FTCDNL1: variants seen among roughly 807,000 people sequenced by gnomAD.
FTCDNL1 encodes the protein formiminotransferase N-terminal subdomain-containing protein.
Under a neutral mutation model 5.9 loss-of-function variants are expected in FTCDNL1, and 11 were observed. The ratio of observed to expected loss-of-function variants is 1.87; its 90% CI spans 1.18 to 3.10. The LOEUF is 3.10. FTCDNL1 is among the 30% of genes most tolerant of loss of function. The pLI is 0.00. For synonymous variants in FTCDNL1, 58 were observed against 24.8 expected, an observed-to-expected ratio of 2.34 and a Z score of -3.99; for missense variants, 115 against 65.5, an observed-to-expected ratio of 1.76 and a Z score of -2.61.
the FTCDNL1 span, among the ~76,000 whole-genome samples, chr2:199,728,403 T>G: frequency 0.34 from 52,079 of 151,832 alleles, 9,974 homozygotes; most frequent in South Asian, 0.56. Context: ...CCCGCCACCA[T>G]GCCTGGCTAA....
At chr2:199,699,115 T>A in the FTCDNL1 span, among the ~76,000 whole-genome samples, 1 of 152,022 alleles carries the variant, frequency 6.6e-6, no homozygotes, top group East Asian at 1.9e-4. Flanking sequence ...CAAAATTAAA[T>A]CTGTAATAAA....
the FTCDNL1 span, among the ~76,000 whole-genome samples, chr2:199,718,279 C>T: frequency 6.6e-6 from 1 of 152,048 alleles, no homozygotes; most frequent in East Asian, 1.9e-4. Context: ...CCCTGTGTTC[C>T]CACTGTTTAC....
At chr2:199,669,772 A>T in the FTCDNL1 span, among the ~76,000 whole-genome samples, 1 of 152,224 alleles carries the variant, frequency 6.6e-6, no homozygotes, top group African/African-American at 2.4e-5. Flanking sequence ...TCCAGGAATG[A>T]ACTATTCTTA....
the FTCDNL1 span, among the ~76,000 whole-genome samples, chr2:199,744,424 C>A: frequency 6.6e-6 from 1 of 151,582 alleles, no homozygotes; most frequent in South Asian, 2.1e-4. Flanking sequence ...CTCTCTCTCT[C>A]TACACAAACA....
the FTCDNL1 span, among the ~76,000 whole-genome samples, chr2:199,688,733 C>G: frequency 6.6e-6 from 1 of 152,138 alleles, no homozygotes; most frequent in Non-Finnish European, 1.5e-5. Context: ...ACAGGAAGAC[C>G]TTTTCTAGCT....
At chr2:199,778,613 C>G (rs1232400553) in intron 3 of FTCDNL1, among the ~76,000 whole-genome samples, 7 of 152,130 alleles carry the variant, frequency 4.6e-5, no homozygotes, top group Non-Finnish European at 1.5e-5. Context: ...ATTTTCCCAG[C>G]AAAGCAAGTT....
chr2:199,723,010 C>T, the FTCDNL1 span, among the ~76,000 whole-genome samples: 2 of 151,930 alleles, frequency 1.3e-5, no homozygotes, highest in African/African-American at 4.8e-5. Flanking sequence ...AGGTTTGTTA[C>T]ATAGGTAAAT....
chr2:199,745,319 C>A, the FTCDNL1 span, among the ~76,000 whole-genome samples: 1 of 152,194 alleles, frequency 6.6e-6, no homozygotes, highest in Non-Finnish European at 1.5e-5. Flanking sequence ...AATTAAATAA[C>A]CTTTAATCAA....
At chr2:199,834,834 G>A (rs1202045579) in intron 3 of FTCDNL1, among the ~76,000 whole-genome samples, 2 of 152,066 alleles carry the variant, frequency 1.3e-5, no homozygotes, top group Non-Finnish European at 2.9e-5. Context: ...TCGTTGCTAC[G>A]TTATATAAAC....
Position 199,850,883 on chromosome 2 carries a change from AC to A in FTCDNL1, c.-152del, listed in dbSNP as rs1206890684. On this transcript the variant is annotated 5_prime_UTR_variant, in exon 1 of 5. Transcript: ENST00000420128. ...AGGTTCCTGGGTGGAGTGTCCCAGGACCACGTGGGCTGAAAGGGAACCCGAA... is the reference window on the plus strand; with the variant it reads ...AGGTTCCTGGGTGGAGTGTCCCAGGACACGTGGGCTGAAAGGGAACCCGAA... 6.6e-6 allele frequency: 1 copy of A among 152,028 alleles called. No individual in the cohort carries two copies. Among genetic ancestry groups the A allele is most frequent in the Non-Finnish European group, 1.5e-5 (1 of 68,016 alleles). 9.4% of individuals were successfully genotyped at this position (152,028 alleles called of 1,614,324 possible).
rs796563343 is a variant in FTCDNL1, at chr2:199,760,679, A to C, written c.*134T>G. The C allele has an allele frequency of 4.1e-5, 26 of 626,594 alleles. No homozygotes were observed. In the African/African-American group the frequency reaches 4.5e-4, roughly 11 times the overall value. 38.8% of individuals were successfully genotyped at this position (626,594 alleles called of 1,614,324 possible). A position where few individuals can be genotyped will look rare whatever the true frequency, so the allele number is the denominator to read the frequency against. On this transcript the variant is annotated 3_prime_UTR_variant, in exon 4 of 4. Transcript: ENST00000416668. ...ATTTAGTAATTCTGGGTATGGTATAATTTTCCATCTTTTTAAAAAGAATTA... is the reference window on the plus strand; with the variant it reads ...ATTTAGTAATTCTGGGTATGGTATACTTTTCCATCTTTTTAAAAAGAATTA...
intron 3 of FTCDNL1, among the ~76,000 whole-genome samples, chr2:199,761,092 C>G (rs988737012): frequency 6.6e-6 from 1 of 152,220 alleles, no homozygotes; most frequent in African/African-American, 2.4e-5. Context: ...TTCAGTTAAT[C>G]GTTTGAATGT....
chr2:199,677,170 G>A, the FTCDNL1 span, among the ~76,000 whole-genome samples: 14 of 152,256 alleles, frequency 9.2e-5, no homozygotes, highest in African/African-American at 2.6e-4. Context: ...AGACTTGGAA[G>A]CTTTTCAAAC....
At chr2:199,833,950 T>A (rs775727970) in intron 3 of FTCDNL1, among the ~76,000 whole-genome samples, 2 of 152,246 alleles carry the variant, frequency 1.3e-5, no homozygotes, top group Non-Finnish European at 2.9e-5. Flanking sequence ...TTCTTCCACA[T>A]GGAGAGAGCT....
At chr2:199,723,760 T>C in the FTCDNL1 span, among the ~76,000 whole-genome samples, 1 of 152,212 alleles carries the variant, frequency 6.6e-6, no homozygotes, top group South Asian at 2.1e-4. Flanking sequence ...GATAAGCTTT[T>C]TGATGTGCTG....
intron 3 of FTCDNL1, 32 bp downstream of exon 3, chr2:199,846,043 C>A: frequency 1.5e-6 from 1 of 670,898 alleles, no homozygotes; most frequent in Non-Finnish European, 2.7e-6. Context: ...AAAAAAAAGA[C>A]ATATATGTAA....
intron 3 of FTCDNL1, among the ~76,000 whole-genome samples, chr2:199,781,249 T>C (rs1699346735): frequency 6.6e-6 from 1 of 152,186 alleles, no homozygotes; most frequent in Non-Finnish European, 1.5e-5. Flanking sequence ...TTTATTCTTC[T>C]CTAAGGCAAA....
At chr2:199,791,404 A>G (rs1264542457) in intron 3 of FTCDNL1, among the ~76,000 whole-genome samples, 1 of 152,190 alleles carries the variant, frequency 6.6e-6, no homozygotes, top group Non-Finnish European at 1.5e-5. Context: ...GTATGTGTGT[A>G]TACAGTTTTT....
At chr2:199,746,772 T>C in the FTCDNL1 span, among the ~76,000 whole-genome samples, 1 of 150,894 alleles carries the variant, frequency 6.6e-6, no homozygotes, top group East Asian at 2.0e-4. Flanking sequence ...GGTCAGGGTG[T>C]CCTTTACATT....
Sources: gnomAD v4.1 joint callset for allele counts (sites outside exome capture counted in the v4.1 genomes callset) on GRCh38, gnomAD v4.1.1 for gene constraint, MANE v1.5 for transcripts, NCBI Gene and HGNC (gene_info 2026-07-23, HGNC 2026-07-21) for gene names.